LRRIQ1: variants seen among roughly 807,000 people sequenced by gnomAD.
The protein encoded by LRRIQ1 is leucine rich repeats and IQ motif containing 1, also known as leucine-rich repeat- and IQ domain-containing protein 1.
Under a neutral mutation model 211.9 loss-of-function variants are expected in LRRIQ1, and 210 were observed. That is an observed-to-expected ratio of 0.99 (90% CI 0.89 to 1.11). The LOEUF is 1.11. Ranked by LOEUF, LRRIQ1 falls within the 50% of genes most tolerant of loss-of-function variation. The pLI, the probability that LRRIQ1 is intolerant of heterozygous loss-of-function variation, is 0.00. For missense variants in LRRIQ1, 2,136 were observed against 1,939.5 expected (o/e 1.10, Z -1.90); for synonymous variants, 699 against 650.1 (o/e 1.08, Z -1.14).
chr12:85,091,877 G>A (rs965738938), intron 11 of LRRIQ1, among the ~76,000 whole-genome samples: 1 of 152,150 alleles, frequency 6.6e-6, no homozygotes, highest in Non-Finnish European at 1.5e-5. Context: ...GACCAGTAGC[G>A]GTCCATGGCC....
intron 24 of LRRIQ1, among the ~76,000 whole-genome samples, chr12:85,186,984 A>G (rs1892256819): frequency 6.6e-6 from 1 of 152,066 alleles, no homozygotes; most frequent in Non-Finnish European, 1.5e-5. Flanking sequence ...CTAGTTCTGA[A>G]CCTCCGTAAA....
downstream of LRRIQ1, among the ~76,000 whole-genome samples, chr12:85,247,207 A>G (rs1195819963): frequency 6.6e-6 from 1 of 151,680 alleles, no homozygotes; most frequent in Non-Finnish European, 1.5e-5. Flanking sequence ...TTTCTGTAGA[A>G]ATCAAAGTCC....
At chr12:85,158,385 C>A (rs1027558317) in intron 23 of LRRIQ1, among the ~76,000 whole-genome samples, 1 of 151,676 alleles carries the variant, frequency 6.6e-6, no homozygotes, top group Non-Finnish European at 1.5e-5. Context: ...GCTAGTTATT[C>A]AAGCTTATTT....
Position 85,123,753 on chromosome 12 carries a change from T to A in LRRIQ1, c.3558-317T>A, listed in dbSNP as rs1888154561. On this transcript the variant is annotated intron_variant, in intron 16 of 26. Transcript: ENST00000393217. ...CTTCTCCAAATTTAGTCAGCCATGA[T>A]TTCTCATGTTTATGGTAATAAAAGC... Among the ~76,000 whole-genome samples the A allele has an allele frequency of 2.0e-5, 3 of 152,300 alleles. No individual in the cohort carries two copies. In the East Asian group the frequency reaches 5.8e-4, roughly 29 times the overall value.
chr12:85,130,775 A>G (rs1888693151), intron 18 of LRRIQ1, among the ~76,000 whole-genome samples: 1 of 152,154 alleles, frequency 6.6e-6, no homozygotes, highest in Non-Finnish European at 1.5e-5. Flanking sequence ...AGAAGGATCA[A>G]AATGAAAGGT....
chr12:85,246,957 G>GA (rs1895739204), downstream of LRRIQ1, among the ~76,000 whole-genome samples: 1 of 151,450 alleles, frequency 6.6e-6, no homozygotes, highest in African/African-American at 2.4e-5. Context: ...AATGATAATA[G>GA]AAGCACCTCT....
chr12:85,261,551 T>G (rs944186228), intron 1 of LRRIQ1, among the ~76,000 whole-genome samples: 1 of 151,526 alleles, frequency 6.6e-6, no homozygotes, highest in African/African-American at 2.4e-5. Flanking sequence ...CAAAAAACAT[T>G]CTATTTTTTT....
chr12:85,208,705 G>GGA (rs1893686944), intron 24 of LRRIQ1, among the ~76,000 whole-genome samples: 1 of 152,060 alleles, frequency 6.6e-6, no homozygotes, highest in Non-Finnish European at 1.5e-5. Flanking sequence ...CTCAATGGAT[G>GGA]GATTAAAGAA....
intron 6 of LRRIQ1, among the ~76,000 whole-genome samples, chr12:85,049,334 C>T (rs7132596): frequency 0.56 from 85,023 of 151,508 alleles, 24,977 homozygotes; most frequent in African/African-American, 0.74. Flanking sequence ...ATACAAACTT[C>T]CTCTTTGAAT....
At chr12:85,057,684 T>C (rs963023102) in intron 8 of LRRIQ1, among the ~76,000 whole-genome samples, 2 of 152,090 alleles carry the variant, frequency 1.3e-5, no homozygotes, top group Admixed American at 6.6e-5. Flanking sequence ...TAGCGTGTGC[T>C]ATTTAAAGGT....
At chr12:85,245,149 T>G (rs1035759031), downstream of LRRIQ1, 2 of 758,734 alleles carry the variant, frequency 2.6e-6, no homozygotes, top group East Asian at 6.9e-5. Flanking sequence ...CTTCAATATC[T>G]CCTGCCCCCC....
At chr12:85,245,294 T>G (rs967950847), downstream of LRRIQ1, among the ~76,000 whole-genome samples, 1 of 151,346 alleles carries the variant, frequency 6.6e-6, no homozygotes, top group Non-Finnish European at 1.5e-5. Context: ...AGATACTGTA[T>G]GTAAAGATAA....
At chr12:85,042,929 G>A (rs1006194214) in intron 3 of LRRIQ1, among the ~76,000 whole-genome samples, 4 of 152,086 alleles carry the variant, frequency 2.6e-5, no homozygotes, top group Non-Finnish European at 5.9e-5. Context: ...TATGAATATA[G>A]ATGATTGGGG....
At chr12:85,151,176 A>G (rs955321121) in intron 19 of LRRIQ1, among the ~76,000 whole-genome samples, 18 of 151,410 alleles carry the variant, frequency 1.2e-4, no homozygotes, top group African/African-American at 3.4e-4. Flanking sequence ...ACCTAGAAGA[A>G]ATTTAACAAT....
At chr12:85,045,760 T>C (rs1879466746) in intron 4 of LRRIQ1, among the ~76,000 whole-genome samples, 1 of 151,954 alleles carries the variant, frequency 6.6e-6, no homozygotes, top group Non-Finnish European at 1.5e-5. Context: ...TTGAATATTG[T>C]GGAATAATAC....
chr12:85,232,796 C>A (rs779543632), intron 26 of LRRIQ1, 40 bp downstream of exon 26: 2 of 1,370,016 alleles, frequency 1.5e-6, no homozygotes, highest in Non-Finnish European at 1.0e-6. Context: ...ATGTTGTAGA[C>A]ACTAGTGCTC....
intron 9 of LRRIQ1, among the ~76,000 whole-genome samples, chr12:85,066,226 G>A (rs1319090130): frequency 1.3e-5 from 2 of 151,770 alleles, no homozygotes; most frequent in African/African-American, 4.8e-5. Context: ...TTAACTTAAG[G>A]CATCAGGCTC....
rs189404825 is a variant in LRRIQ1, at chr12:85,192,049, A to C, written c.4822+31335A>C. On this transcript the variant is annotated intron_variant, in intron 24 of 26. Transcript: ENST00000393217. ...ACATGCAGATTTGTTACAAAGGTAA[A>C]TTGCGTGTCACGGGGGGTTGTTTAC... Among the ~76,000 whole-genome samples, 237 of 151,860 alleles carry C rather than the reference A, an allele frequency of 1.6e-3. 1 individual carries two copies. The highest frequency in any genetic ancestry group is 5.6e-3 in the African/African-American group (231 of 41,436).
intron 11 of LRRIQ1, among the ~76,000 whole-genome samples, chr12:85,082,227 T>G (rs1884368154): frequency 6.6e-6 from 1 of 152,174 alleles, no homozygotes; most frequent in East Asian, 1.9e-4. Context: ...CTATTATTAT[T>G]ATTGTTATTA....
Sources: allele counts gnomAD v4.1 joint callset (sites outside exome capture counted in the v4.1 genomes callset), GRCh38; gene constraint gnomAD v4.1.1; transcripts MANE v1.5; gene names NCBI Gene and HGNC (gene_info 2026-07-23, HGNC 2026-07-21).